The following CPEB3 variants were observed in gnomAD, a reference collection of about 807,000 sequenced individuals.
CPEB3 encodes cytoplasmic polyadenylation element binding protein 3, also known as cytoplasmic polyadenylation element-binding protein 3.
Under a neutral mutation model 67.2 loss-of-function variants are expected in CPEB3, and 20 were observed. That is an observed-to-expected ratio of 0.30 (90% CI 0.21 to 0.43). CPEB3 has a LOEUF of 0.43. Ranked by LOEUF, CPEB3 falls within the 20% of genes least tolerant of loss-of-function variation. The pLI, the probability that CPEB3 is intolerant of heterozygous loss-of-function variation, is 1.00. For synonymous variants in CPEB3, 376 were observed against 393.1 expected (o/e 0.96, Z 0.51); for missense variants, 746 against 968.6 (o/e 0.77, Z 3.05).
chr10:92,140,420 T>C (rs1846346998), intron 6 of CPEB3, among the ~76,000 whole-genome samples: 1 of 152,176 alleles, frequency 6.6e-6, no homozygotes, highest in South Asian at 2.1e-4. Context: ...GAAAACTGGC[T>C]AGCCATATGT....
intron 7 of CPEB3, among the ~76,000 whole-genome samples, chr10:92,110,839 G>A (rs1844700969): frequency 6.6e-6 from 1 of 152,256 alleles, no homozygotes; most frequent in African/African-American, 2.4e-5. Context: ...TAAAAGAGCT[G>A]TAAGTGAAAG....
Position 92,239,720 on chromosome 10 carries a change from C to T in CPEB3, c.631G>A (p.Gly211Ser). The stretch of plus-strand genomic sequence containing the variant: ...TTGCTGGTCATGATGGGCTGGTGGC[C>T]GTACGCCGCGGCGGCGCTCCTCTGC... ...YAQRSAAAAY[G>S]HQPIMTSKPS... The change falls in exon 2 of 10, where the codon GGC becomes AGC. Residue 211 changes from glycine (G) to serine (S), a missense_variant. Coordinates refer to ENST00000265997, the MANE Select transcript of CPEB3 (RefSeq NM_014912.5). The surrounding 1 kb of genome is among the most constrained non-coding windows in gnomAD (Gnocchi z 6.0). 1.3e-6 allele frequency: 2 copies of T among 1,540,552 alleles called. No individual in the cohort carries two copies. The highest frequency in any genetic ancestry group is 1.7e-6 in the Non-Finnish European group (2 of 1,148,644).
intron 2 of CPEB3, among the ~76,000 whole-genome samples, chr10:92,237,534 C>T (rs573716701): frequency 7.4e-4 from 113 of 152,262 alleles, no homozygotes; most frequent in African/African-American, 2.5e-3. Flanking sequence ...CTCCCTAATC[C>T]CCATGCCAGG....
intron 7 of CPEB3, among the ~76,000 whole-genome samples, chr10:92,094,369 G>A (rs978928716): frequency 4.6e-5 from 7 of 151,928 alleles, no homozygotes; most frequent in Non-Finnish European, 1.0e-4. Context: ...TTGGGAGGCC[G>A]AGGCAGGCGG....
Position 92,254,342 on chromosome 10 carries a change from A to ACATTTTT in CPEB3, c.-11-13982_-11-13981insAAAAATG, listed in dbSNP as rs796151336. Among the ~76,000 whole-genome samples the ACATTTTT allele has an allele frequency of 7.4e-4, 112 of 152,318 alleles. No individual in the cohort carries two copies. In the Middle Eastern group the frequency reaches 0.01, roughly 14 times the overall value. The stretch of plus-strand genomic sequence containing the variant: ...CCCTAGGTAACCTAGAAAGCTTTTA[A>ACATTTTT]AAATGTTAAAAGCTAAGGCAATTTA... On this transcript the variant is annotated intron_variant, in intron 1 of 9. Coordinates refer to ENST00000265997, the MANE Select transcript of CPEB3 (RefSeq NM_014912.5).
chr10:92,232,909 G>A (rs11186866), intron 2 of CPEB3, among the ~76,000 whole-genome samples: 52,800 of 152,048 alleles, frequency 0.35, 10,224 homozygotes, highest in African/African-American at 0.51. Flanking sequence ...GTTTAAACAA[G>A]GCTAACCACT....
intron 7 of CPEB3, among the ~76,000 whole-genome samples, chr10:92,110,588 G>C (rs1844688315): frequency 6.6e-6 from 1 of 152,126 alleles, no homozygotes; most frequent in African/African-American, 2.4e-5. Flanking sequence ...CTCCTCTCCT[G>C]CTCTGTTGAA....
At chr10:92,072,735 G>C (rs1842795676) in intron 9 of CPEB3, among the ~76,000 whole-genome samples, 1 of 152,168 alleles carries the variant, frequency 6.6e-6, no homozygotes, top group African/African-American at 2.4e-5. Flanking sequence ...ACAGAGTTGA[G>C]TATGGGATGT....
chr10:92,134,959 A>G (rs1264586286), intron 6 of CPEB3, among the ~76,000 whole-genome samples: 3 of 152,188 alleles, frequency 2.0e-5, no homozygotes, highest in African/African-American at 4.8e-5. Flanking sequence ...CTGGCTAGCC[A>G]TATGTAGAAA....
intron 7 of CPEB3, among the ~76,000 whole-genome samples, chr10:92,109,165 G>A (rs576658971): frequency 6.6e-6 from 1 of 151,994 alleles, no homozygotes; most frequent in African/African-American, 2.4e-5. Flanking sequence ...GCTCACTCCA[G>A]CTTCTCTCCA....
chr10:92,215,255 C>T (rs1323647927), intron 2 of CPEB3, among the ~76,000 whole-genome samples: 1 of 151,206 alleles, frequency 6.6e-6, no homozygotes, highest in African/African-American at 2.4e-5. Flanking sequence ...TGGGTTCAAT[C>T]GATTCTCCTG....
intron 4 of CPEB3, among the ~76,000 whole-genome samples, chr10:92,172,744 T>C (rs2134029111): frequency 6.6e-6 from 1 of 152,316 alleles, no homozygotes; most frequent in East Asian, 1.9e-4. Context: ...CATATGGCCA[T>C]GTTTTGTCTG....
At position 92,052,030 on chromosome 10, in the gene CPEB3, T is replaced by G; in HGVS notation, c.*182A>C. On this transcript the variant is annotated 3_prime_UTR_variant, in exon 10 of 10. Coordinates refer to ENST00000265997, the MANE Select transcript of CPEB3 (RefSeq NM_014912.5). Reference sequence around the variant, plus strand: ...TACACTCTGCAATTCTGCATTATACTGGACACTGAGTTCAGTAATATGACT... The same window carrying G: ...TACACTCTGCAATTCTGCATTATACGGGACACTGAGTTCAGTAATATGACT... The G allele has an allele frequency of 1.7e-6, 1 of 572,562 alleles. No homozygotes were observed. The highest frequency in any genetic ancestry group is 4.6e-4 in the Middle Eastern group (1 of 2,156). 35.5% of individuals were successfully genotyped at this position (572,562 alleles called of 1,614,324 possible).
intron 1 of CPEB3, among the ~76,000 whole-genome samples, chr10:92,285,643 G>A (rs181912582): frequency 1.5e-4 from 23 of 152,210 alleles, no homozygotes; most frequent in African/African-American, 4.8e-4. Flanking sequence ...CATATTTTCC[G>A]CTTACATAAC....
chr10:92,269,221 G>C (rs1226453699), intron 1 of CPEB3, among the ~76,000 whole-genome samples: 1 of 151,882 alleles, frequency 6.6e-6, no homozygotes, highest in Non-Finnish European at 1.5e-5. Context: ...CAGCAGCTAA[G>C]GGATCATCAC....
intron 1 of CPEB3, among the ~76,000 whole-genome samples, chr10:92,269,770 C>T (rs1439783064): frequency 2.6e-5 from 4 of 152,070 alleles, no homozygotes; most frequent in Non-Finnish European, 1.5e-5. Context: ...GTTGGCCAGG[C>T]TAGTCTTGAA....
At chr10:92,289,808 A>ATATATTATAAATGTAT (rs1246010493) in intron 1 of CPEB3, among the ~76,000 whole-genome samples, 11 of 137,182 alleles carry the variant, frequency 8.0e-5, no homozygotes, top group African/African-American at 3.1e-4. Context: ...TAAATGTATT[A>ATATATTATAAATGTAT]TATATTATAT....
At position 92,234,087 on chromosome 10, in the gene CPEB3, C is replaced by T. The variant is rs1022532274; in HGVS notation, c.1005+5259G>A. Among the ~76,000 whole-genome samples the T allele has an allele frequency of 1.5e-4, 16 of 109,812 alleles. No homozygotes were observed. The East Asian group carries it at 4.2e-3, about 29-fold the overall frequency. The allele number at this position is 109,812 out of a possible 152,430, so 72.0% of individuals were successfully genotyped here. A position where few individuals can be genotyped will look rare whatever the true frequency, so the allele number is the denominator to read the frequency against. ...TACCACTGTACTCCAGCTTGGGGAA[C>T]AGAGTGAGACTTTGTCTCAAAAAAA... On this transcript the variant is annotated intron_variant, in intron 2 of 9. Coordinates refer to ENST00000265997, the MANE Select transcript of CPEB3 (RefSeq NM_014912.5).
At chr10:92,153,632 C>G (rs896815151) in intron 4 of CPEB3, among the ~76,000 whole-genome samples, 7 of 151,910 alleles carry the variant, frequency 4.6e-5, no homozygotes, top group African/African-American at 1.7e-4. Context: ...AATACAAAAA[C>G]TAGCCGGGCA....
Sources: allele counts gnomAD v4.1 joint callset (sites outside exome capture counted in the v4.1 genomes callset), GRCh38; gene constraint gnomAD v4.1.1; non-coding constraint Gnocchi (gnomAD v3.1); transcripts MANE v1.5; gene names NCBI Gene and HGNC (gene_info 2026-07-23, HGNC 2026-07-21).